The following PPP3CA variants were observed in gnomAD, a reference collection of about 807,000 sequenced individuals.
PPP3CA encodes CAM-PRP catalytic subunit.
A neutral mutation model predicts 66.5 loss-of-function variants in PPP3CA; 14 were observed. The ratio of observed to expected loss-of-function variants is 0.21; its 90% CI spans 0.14 to 0.33. The LOEUF is 0.33. Ranked by LOEUF, PPP3CA falls within the 10% of genes least tolerant of loss-of-function variation. The pLI is 1.00. For synonymous variants in PPP3CA, 232 were observed against 226.2 expected (o/e 1.03, Z -0.23); for missense variants, 317 against 639.5 (o/e 0.50, Z 5.44).
At chr4:101,131,387 A>C (rs1722431703) in intron 2 of PPP3CA, among the ~76,000 whole-genome samples, 1 of 151,328 alleles carries the variant, frequency 6.6e-6, no homozygotes, top group East Asian at 1.9e-4. Context: ...TTCAAATCAA[A>C]GGAATGGAGG....
At chr4:101,107,997 C>T (rs1378894597) in intron 3 of PPP3CA, 9 of 152,094 alleles carry the variant, frequency 5.9e-5, no homozygotes, top group East Asian at 3.9e-4. Context: ...ATTAACACAC[C>T]GTGTTAGGCA....
At chr4:101,043,151 A>G (rs553377049) in intron 10 of PPP3CA, among the ~76,000 whole-genome samples, 1 of 152,304 alleles carries the variant, frequency 6.6e-6, no homozygotes, top group Admixed American at 6.5e-5. Flanking sequence ...TAAGACGTCT[A>G]AAAATAAAAC....
intron 2 of PPP3CA, among the ~76,000 whole-genome samples, chr4:101,116,161 A>G (rs1404594262): frequency 6.6e-6 from 1 of 151,890 alleles, no homozygotes; most frequent in African/African-American, 2.4e-5. Flanking sequence ...TTCTTATACA[A>G]GTTTTTCCAG....
At chr4:101,053,807 C>T (rs1295496966) in intron 10 of PPP3CA, among the ~76,000 whole-genome samples, 2 of 151,984 alleles carry the variant, frequency 1.3e-5, no homozygotes, top group South Asian at 2.1e-4. Context: ...GTTGATTCTA[C>T]GTCATAAGTC....
chr4:101,060,744 A>G (rs1207147304), intron 10 of PPP3CA, among the ~76,000 whole-genome samples: 1 of 152,148 alleles, frequency 6.6e-6, no homozygotes, highest in African/African-American at 2.4e-5. Context: ...TGCCTGGTAA[A>G]AGAAAAAATA....
At chr4:101,325,000 A>G (rs1241091413) in intron 1 of PPP3CA, among the ~76,000 whole-genome samples, 1 of 152,220 alleles carries the variant, frequency 6.6e-6, no homozygotes, top group Non-Finnish European at 1.5e-5. Flanking sequence ...CAAACTTAAG[A>G]ATCACTTGGG....
intron 10 of PPP3CA, among the ~76,000 whole-genome samples, chr4:101,058,076 C>T (rs1413073423): frequency 6.6e-6 from 1 of 152,038 alleles, no homozygotes; most frequent in Non-Finnish European, 1.5e-5. Flanking sequence ...AAAAAACACC[C>T]ACATACTACT....
At chr4:101,096,019 A>G (rs1246445640) in intron 5 of PPP3CA, among the ~76,000 whole-genome samples, 1 of 152,190 alleles carries the variant, frequency 6.6e-6, no homozygotes, top group Non-Finnish European at 1.5e-5. Flanking sequence ...AGCAAAGACC[A>G]ATGCTCTATG....
chr4:101,098,577 T>C, intron 4 of PPP3CA, 65 bp from the exon 5 acceptor site: 1 of 1,486,924 alleles, frequency 6.7e-7, no homozygotes. Flanking sequence ...GAAATAGTTT[T>C]GGTTTTTTGA....
chr4:101,190,698 TAAAGAAAAGAACTACG>T, intron 2 of PPP3CA, among the ~76,000 whole-genome samples: 2 of 152,180 alleles, frequency 1.3e-5, no homozygotes, highest in Non-Finnish European at 2.9e-5. Context: ...CAAGAGCTTG[TAAAGAAAAGAACTACG>T]AATGTTTTTT....
chr4:101,084,799 A>C (rs1729590198), intron 6 of PPP3CA, among the ~76,000 whole-genome samples: 1 of 152,164 alleles, frequency 6.6e-6, no homozygotes, highest in African/African-American at 2.4e-5. Flanking sequence ...AAAAGAGGAG[A>C]TAATCATGGG....
chr4:101,333,497 A>G (rs1234061124), intron 1 of PPP3CA, among the ~76,000 whole-genome samples: 2 of 151,856 alleles, frequency 1.3e-5, no homozygotes, highest in Non-Finnish European at 2.9e-5. Context: ...TAATAGGAAG[A>G]CAATCTATAA....
At chr4:101,244,246 C>T (rs1028410061) in intron 1 of PPP3CA, among the ~76,000 whole-genome samples, 2 of 152,152 alleles carry the variant, frequency 1.3e-5, no homozygotes, top group Non-Finnish European at 2.9e-5. Flanking sequence ...GACCAACCTC[C>T]AATAATATGC....
intron 1 of PPP3CA, among the ~76,000 whole-genome samples, chr4:101,243,676 T>C (rs932652303): frequency 6.6e-6 from 1 of 152,108 alleles, no homozygotes; most frequent in African/African-American, 2.4e-5. Context: ...TAGATTTGAG[T>C]GTCTGTGAAT....
intron 1 of PPP3CA, among the ~76,000 whole-genome samples, chr4:101,262,437 T>C (rs2850969): frequency 0.19 from 29,452 of 152,104 alleles, 3,524 homozygotes; most frequent in East Asian, 0.51. Context: ...TTTGTCTGGG[T>C]TTCCTTTTTA....
intron 1 of PPP3CA, among the ~76,000 whole-genome samples, chr4:101,253,407 T>A (rs761168087): frequency 6.6e-6 from 1 of 152,124 alleles, no homozygotes; most frequent in African/African-American, 2.4e-5. Context: ...ACAATGATAA[T>A]ACTGAAACTA....
chr4:101,240,611 G>A (rs1005788350), intron 1 of PPP3CA, among the ~76,000 whole-genome samples: 1 of 151,748 alleles, frequency 6.6e-6, no homozygotes, highest in East Asian at 1.9e-4. Context: ...GCAGGATTTG[G>A]GTAAGACAGA....
At chr4:101,227,631 G>A (rs541085616) in intron 1 of PPP3CA, among the ~76,000 whole-genome samples, 1 of 151,608 alleles carries the variant, frequency 6.6e-6, no homozygotes, top group South Asian at 2.1e-4. Context: ...ATAAATTCAT[G>A]TTGCAGGGGG....
At chr4:101,028,853 T>G (rs865976921) in intron 13 of PPP3CA, among the ~76,000 whole-genome samples, 1 of 152,172 alleles carries the variant, frequency 6.6e-6, no homozygotes, top group African/African-American at 2.4e-5. Flanking sequence ...GATTATTGTT[T>G]TATAAGCTAC....
Sources: gnomAD v4.1 joint callset for allele counts (sites outside exome capture counted in the v4.1 genomes callset) on GRCh38, gnomAD v4.1.1 for gene constraint, MANE v1.5 for transcripts, NCBI Gene and HGNC (gene_info 2026-07-23, HGNC 2026-07-21) for gene names.